Variants in WASL observed in about 807,000 individuals in gnomAD.
The protein encoded by WASL is WASP like actin nucleation promoting factor, also known as actin nucleation-promoting factor WASL.
Under a neutral mutation model 55.5 loss-of-function variants are expected in WASL, and 20 were observed. The ratio of observed to expected loss-of-function variants is 0.36; its 90% confidence interval spans 0.25 to 0.52. The LOEUF is 0.52. WASL is among the 20% of genes least tolerant of loss of function. The pLI is 0.92. For missense variants in WASL, 504 were observed against 622.5 expected, an observed-to-expected ratio of 0.81 and a Z score of 2.03; for synonymous variants, 249 against 217.6, an observed-to-expected ratio of 1.14 and a Z score of -1.27.
intron 1 of WASL, among the ~76,000 whole-genome samples, 188 bp from the exon 2 acceptor site, chr7:123,709,411 TAATA>T (rs1803721300): frequency 1.3e-5 from 2 of 152,228 alleles, no homozygotes; most frequent in Non-Finnish European, 2.9e-5. Flanking sequence ...TCTTATGTAG[TAATA>T]AATAACTAAT....
At chr7:123,738,337 A>G (rs1257115377) in intron 1 of WASL, among the ~76,000 whole-genome samples, 1 of 152,218 alleles carries the variant, frequency 6.6e-6, no homozygotes, top group Non-Finnish European at 1.5e-5. Flanking sequence ...AGAGAATAGC[A>G]CTTTAGCACT....
chr7:123,732,255 G>A (rs1490059968), intron 1 of WASL, among the ~76,000 whole-genome samples: 7 of 152,132 alleles, frequency 4.6e-5, no homozygotes, highest in Non-Finnish European at 7.4e-5. Flanking sequence ...GCGTGAACCC[G>A]GGAGGCGGAG....
Position 123,726,462 on chromosome 7 carries a change from G to C in WASL, c.118-17239C>G, listed in dbSNP as rs562052326. On this transcript the variant is annotated intron_variant, in intron 1 of 10. Transcript: ENST00000223023. The stretch of plus-strand genomic sequence containing the variant: ...ACTGTGACTGTGACCCCTTGGCATA[G>C]GCCAAGATTTCTCAAACCACAAATA... Among the ~76,000 whole-genome samples the C allele has an allele frequency of 2.4e-4, 37 of 152,172 alleles. 1 individual carries two copies. Among genetic ancestry groups the C allele is most frequent in the African/African-American group, 8.9e-4 (37 of 41,544 alleles).
intron 1 of WASL, among the ~76,000 whole-genome samples, chr7:123,709,425 T>C (rs1482123112): frequency 6.6e-6 from 1 of 152,252 alleles, no homozygotes; most frequent in African/African-American, 2.4e-5. Context: ...AAATAACTAA[T>C]ACAATAATCA....
At chr7:123,701,589 T>A (rs181792372) in intron 5 of WASL, among the ~76,000 whole-genome samples, 56 of 152,350 alleles carry the variant, frequency 3.7e-4, no homozygotes, top group African/African-American at 1.3e-3. Flanking sequence ...ACATAAAGTA[T>A]CTTTTTAATA....
rs145691087 is a variant in WASL at position 123,748,477 on chromosome 7, AGGGGCCGGGGCC to A, written c.117+129_117+140del. 3.3e-3 allele frequency: 2,386 copies of A among 733,198 alleles called. 40 individuals carry two copies. In the African/African-American group the frequency reaches 0.038, roughly 12 times the overall value. The allele number at this position is 733,198 out of a possible 1,614,324, so 45.4% of individuals were successfully genotyped here. On this transcript the variant is annotated intron_variant, in intron 1 of 10. Transcript: ENST00000223023. The stretch of plus-strand genomic sequence containing the variant: ...TGGGAGCAGGGCGAGGGCGCCGACG[AGGGGCCGGGGCC>A]GGGGCCGGGGCTGGCGGGAGGCCTG...
chr7:123,744,163 G>A (rs1804392545), intron 1 of WASL, among the ~76,000 whole-genome samples: 1 of 152,126 alleles, frequency 6.6e-6, no homozygotes, highest in African/African-American at 2.4e-5. Flanking sequence ...CAACAGGTCT[G>A]ATTTAGAACA....
intron 5 of WASL, among the ~76,000 whole-genome samples, chr7:123,700,673 C>T (rs925579070): frequency 5.9e-5 from 9 of 152,252 alleles, no homozygotes; most frequent in Non-Finnish European, 1.3e-4. Flanking sequence ...TTCCTGACCT[C>T]GTGATCCACC....
At chr7:123,713,785 T>TC (rs1803796961) in intron 1 of WASL, among the ~76,000 whole-genome samples, 1 of 152,202 alleles carries the variant, frequency 6.6e-6, no homozygotes, top group Non-Finnish European at 1.5e-5. Flanking sequence ...ACTGTGTGGG[T>TC]CCACTTACAT....
intron 1 of WASL, among the ~76,000 whole-genome samples, chr7:123,734,036 C>T (rs1440676928): frequency 4.0e-5 from 6 of 151,298 alleles, no homozygotes; most frequent in Non-Finnish European, 7.4e-5. Flanking sequence ...TAGAAGAGAA[C>T]ATAAAACAAA....
At chr7:123,727,279 T>C (rs1181343764) in intron 1 of WASL, among the ~76,000 whole-genome samples, 1 of 151,934 alleles carries the variant, frequency 6.6e-6, no homozygotes, top group African/African-American at 2.4e-5. Context: ...AAGTTTCTTA[T>C]AAAAATAAAC....
At chr7:123,695,371 C>T (rs530526586) in intron 7 of WASL, among the ~76,000 whole-genome samples, 1 of 152,152 alleles carries the variant, frequency 6.6e-6, no homozygotes, top group South Asian at 2.1e-4. Flanking sequence ...AATAATGCAT[C>T]CAAACGCTGA....
intron 8 of WASL, 40 bp downstream of exon 8, chr7:123,694,650 GTTTCCATGAAACTGACCTCAAAAGA>G (rs1803464939): frequency 1.9e-6 from 3 of 1,565,668 alleles, no homozygotes; most frequent in South Asian, 2.3e-5. Flanking sequence ...ATGTTAACTG[GTTTCCATGAAACTGACCTCAAAAGA>G]TTAAAACAAA....
intron 1 of WASL, among the ~76,000 whole-genome samples, chr7:123,727,038 A>C (rs1228161885): frequency 6.6e-6 from 1 of 152,186 alleles, no homozygotes; most frequent in East Asian, 1.9e-4. Flanking sequence ...GTGCTACACA[A>C]AAAACAAAGA....
intron 1 of WASL, among the ~76,000 whole-genome samples, chr7:123,741,682 G>T (rs919297641): frequency 6.6e-6 from 1 of 152,050 alleles, no homozygotes; most frequent in African/African-American, 2.4e-5. Flanking sequence ...ATAGAATATG[G>T]ACAAAAGTGA....
chr7:123,702,094 GC>G (rs1803599799), intron 5 of WASL, among the ~76,000 whole-genome samples: 1 of 151,216 alleles, frequency 6.6e-6, no homozygotes, highest in Non-Finnish European at 1.5e-5. Flanking sequence ...TGCTCTTTTT[GC>G]CCAGGCTGGA....
At chr7:123,733,696 T>A (rs1804176860) in intron 1 of WASL, among the ~76,000 whole-genome samples, 1 of 152,146 alleles carries the variant, frequency 6.6e-6, no homozygotes, top group African/African-American at 2.4e-5. Context: ...ATCAGAGGAC[T>A]GACACTACCT....
intron 1 of WASL, among the ~76,000 whole-genome samples, chr7:123,736,634 T>C (rs1804235885): frequency 6.6e-6 from 1 of 152,204 alleles, no homozygotes; most frequent in African/African-American, 2.4e-5. Flanking sequence ...CATTATGTGA[T>C]ACATTACATT....
At chr7:123,692,198 C>T in intron 9 of WASL, 149 bp downstream of exon 9, 1 of 1,108,086 alleles carries the variant, frequency 9.0e-7, no homozygotes, top group Non-Finnish European at 1.3e-6. Flanking sequence ...CATGTCACTG[C>T]ATGTAAAAGT....
Sources: allele counts gnomAD v4.1 joint callset (sites outside exome capture counted in the v4.1 genomes callset), GRCh38; gene constraint gnomAD v4.1.1; transcripts MANE v1.5; gene names NCBI Gene and HGNC (gene_info 2026-07-23, HGNC 2026-07-21).